SLC66A2: variants seen among roughly 807,000 people sequenced by gnomAD.
SLC66A2 encodes the protein solute carrier family 66 member 2, also known as PQ loop repeat containing 1.
A neutral mutation model predicts 25.5 loss-of-function variants in SLC66A2; 23 were observed. The ratio of observed to expected loss-of-function variants is 0.90; its 90% CI spans 0.65 to 1.28. SLC66A2 has a LOEUF of 1.28. SLC66A2 is among the 50% of genes most tolerant of loss of function. SLC66A2 has a pLI of 0.00. For synonymous variants in SLC66A2, 193 were observed against 166.5 expected (o/e 1.16, Z -1.23); for missense variants, 396 against 373.1 (o/e 1.06, Z -0.51).
rs767439174 is a variant in SLC66A2 at position 79,950,765 on chromosome 18, G to A, written c.162C>T (p.Cys54=). Residue 54 remains cysteine (C), a synonymous_variant, in exon 2 of 6, where the codon TGC becomes TGT. Coordinates refer to ENST00000397778, the MANE Select transcript of SLC66A2 (RefSeq NM_025078.5). ...AAATGTTGGCCACCAGCAGCACCAG[G>A]CACACGTAGGTGGAGAAGCCGTCGG... ...QNADGFSTYV[C]LVLLVANILR... The A allele has an allele frequency of 2.5e-6, 4 of 1,613,162 alleles. No individual in the cohort carries two copies. In the African/African-American group the frequency reaches 5.3e-5, roughly 22 times the overall value.
chr18:79,903,843 TGATG>T lies in SLC66A2; in HGVS notation c.*129_*132del, dbSNP rs1416320754. 1 of 720,964 alleles carries T rather than the reference TGATG, an allele frequency of 1.4e-6. No homozygotes were observed. The highest frequency in any genetic ancestry group is 2.2e-6 in the Non-Finnish European group (1 of 448,126). The allele number at this position is 720,964 out of a possible 1,614,324, so 44.7% of individuals were successfully genotyped here. On this transcript the variant is annotated 3_prime_UTR_variant, in exon 6 of 6. Coordinates refer to ENST00000397778, the MANE Select transcript of SLC66A2 (RefSeq NM_025078.5). The stretch of plus-strand genomic sequence containing the variant: ...CCACCCTGAGACACCCCACAGAGGC[TGATG>T]GAGACCCCAATGCCCATGCCCCATC...
chr18:79,935,879 CT>C (rs1362431386), intron 3 of SLC66A2, among the ~76,000 whole-genome samples: 2 of 152,216 alleles, frequency 1.3e-5, no homozygotes, highest in Non-Finnish European at 2.9e-5. Flanking sequence ...CCAGATGCTC[CT>C]GAGGACAGCA....
In SLC66A2 at chr18:79,940,418, T is replaced by C. The variant is rs1006323077; in HGVS notation, c.337+2911A>G. On this transcript the variant is annotated intron_variant, in intron 3 of 5. Coordinates refer to ENST00000397778, the MANE Select transcript of SLC66A2 (RefSeq NM_025078.5). The surrounding 1 kb of genome is among the most constrained non-coding windows in gnomAD (Gnocchi z 4.1). ...AGGAGTTCAGGAGTTAGAGAAATAA[T>C]CTGTACACTAAACCCCCGTGACAAA... Among the ~76,000 whole-genome samples the C allele has an allele frequency of 6.6e-6, 1 of 151,732 alleles. No individual in the cohort carries two copies. The highest frequency in any genetic ancestry group is 2.4e-5 in the African/African-American group (1 of 41,246).
chr18:79,951,526 C>A (rs1422091515), intron 1 of SLC66A2, 55 bp downstream of exon 1: 1 of 152,458 alleles, frequency 6.6e-6, no homozygotes, highest in South Asian at 1.8e-4. Flanking sequence ...GCCCTGCGTC[C>A]TCGGCCGCCC....
Position 79,950,707 on chromosome 18 carries a change from G to A in SLC66A2, c.203+17C>T, listed in dbSNP as rs2051088651. 2 of 1,612,312 alleles carry A rather than the reference G, an allele frequency of 1.2e-6. No homozygotes were observed. The highest frequency in any genetic ancestry group is 1.1e-5 in the South Asian group (1 of 91,056). On this transcript the variant is annotated intron_variant, in intron 2 of 5. Transcript: ENST00000397778. Reference sequence around the variant, plus strand: ...TCTTCTCCGGGTGCAGCCCAGGAAAGCAAGCCCCCAACTTACCAGAAGAGT... The same window carrying A: ...TCTTCTCCGGGTGCAGCCCAGGAAAACAAGCCCCCAACTTACCAGAAGAGT...
At position 79,904,150 on chromosome 18, in the gene SLC66A2, G is replaced by C; in HGVS notation, c.642C>G (p.Asp214Glu). The C allele has an allele frequency of 6.2e-7, 1 of 1,612,932 alleles. No homozygotes were observed. Among genetic ancestry groups the C allele is most frequent in the Non-Finnish European group, 8.5e-7 (1 of 1,179,788 alleles). ...GCAGGAAGTAGGCCGTCTTGAAGGC[G>C]TCACCACTGGTCCACATGAGCACCA... ...IKMVLMWTSG[D>E]AFKTAYFLLK... The change falls in exon 6 of 6, where the codon GAC (aspartate) becomes GAG (glutamate). Residue 214 changes from aspartate to glutamate, a missense_variant. By Grantham distance (45) the Asp-to-Glu change is conservative. Transcript: ENST00000397778. The surrounding 1 kb of genome is among the most constrained non-coding windows in gnomAD (Gnocchi z 6.3).
At chr18:79,928,043 G>A (rs1415483864) in intron 4 of SLC66A2, among the ~76,000 whole-genome samples, 1 of 152,202 alleles carries the variant, frequency 6.6e-6, no homozygotes, top group Non-Finnish European at 1.5e-5. Flanking sequence ...GCTCAGTGGG[G>A]CACCCAACGG....
chr18:79,939,517 T>C (rs764004697), intron 3 of SLC66A2, among the ~76,000 whole-genome samples: 3 of 152,240 alleles, frequency 2.0e-5, no homozygotes, highest in South Asian at 2.1e-4. Flanking sequence ...CCAGCAACTA[T>C]AAGGAACTTA....
Position 79,919,367 on chromosome 18 carries a change from C to T in SLC66A2, c.425G>A (p.Ser142Asn), listed in dbSNP as rs1471227404. 5 of 1,613,108 alleles carry T rather than the reference C, an allele frequency of 3.1e-6. No individual in the cohort carries two copies. Among genetic ancestry groups the T allele is most frequent in the Non-Finnish European group, 4.2e-6 (5 of 1,180,034 alleles). ...FDPHHFWQWS[S>N]FSDYVQCVLA... Reference sequence around the variant, plus strand: ...GACGCACTGCACGTAGTCCGAGAAGCTGCTCCACTGCCAGAAGTGGTGGGG... The same window carrying T: ...GACGCACTGCACGTAGTCCGAGAAGTTGCTCCACTGCCAGAAGTGGTGGGG... Residue 142 changes from serine (S) to asparagine (N), a missense_variant, in exon 5 of 6, where the codon AGC becomes AAC. By Grantham distance (46) the Ser-to-Asn change is conservative (BLOSUM62 1). Coordinates refer to ENST00000397778, the MANE Select transcript of SLC66A2 (RefSeq NM_025078.5).
intron 4 of SLC66A2, among the ~76,000 whole-genome samples, chr18:79,925,608 C>G (rs1985856696): frequency 6.6e-6 from 1 of 152,224 alleles, no homozygotes; most frequent in Admixed American, 6.5e-5. Context: ...TCTTCCAGCA[C>G]CCCCCATGGG....
chr18:79,938,355 T>C (rs1392483014), intron 3 of SLC66A2, among the ~76,000 whole-genome samples: 3 of 152,110 alleles, frequency 2.0e-5, no homozygotes, highest in African/African-American at 7.2e-5. Context: ...CAGTCAGCCA[T>C]GGCCTGGCCG....
intron 4 of SLC66A2, among the ~76,000 whole-genome samples, chr18:79,926,798 T>C (rs1986008981): frequency 6.6e-6 from 1 of 152,118 alleles, no homozygotes; most frequent in Non-Finnish European, 1.5e-5. Flanking sequence ...TGCAGCTGCT[T>C]ACCTGAATGA....
At chr18:79,905,477 G>C (rs917840755) in intron 5 of SLC66A2, among the ~76,000 whole-genome samples, 1 of 152,250 alleles carries the variant, frequency 6.6e-6, no homozygotes, top group Non-Finnish European at 1.5e-5. Flanking sequence ...GCCTGCTTTA[G>C]GCCCAGGCAG....
At chr18:79,910,538 T>C (rs1982957457) in intron 5 of SLC66A2, among the ~76,000 whole-genome samples, 1 of 152,216 alleles carries the variant, frequency 6.6e-6, no homozygotes, top group Non-Finnish European at 1.5e-5. Flanking sequence ...TTCACTCTCT[T>C]CTAAATTTGA....
intron 4 of SLC66A2, among the ~76,000 whole-genome samples, chr18:79,923,406 AG>A (rs1985534775): frequency 1.3e-5 from 2 of 152,022 alleles, no homozygotes; most frequent in African/African-American, 4.8e-5. Context: ...CTGCGGACAC[AG>A]GACGCCAGGT....
At chr18:79,909,493 C>A (rs1159923687) in intron 5 of SLC66A2, among the ~76,000 whole-genome samples, 29 of 148,018 alleles carry the variant, frequency 2.0e-4, no homozygotes, top group South Asian at 6.6e-4. Context: ...TCCCCACAAC[C>A]TCACCAGAGT....
intron 4 of SLC66A2, among the ~76,000 whole-genome samples, chr18:79,928,923 ACT>A (rs1986280774): frequency 1.3e-5 from 2 of 151,992 alleles, no homozygotes; most frequent in Admixed American, 1.3e-4. Context: ...AGAGGCAACA[ACT>A]CACTTCCCAT....
At position 79,938,102 on chromosome 18, in the gene SLC66A2, C is replaced by A. The variant is rs555149146; in HGVS notation, c.338-4080G>T. Among the ~76,000 whole-genome samples the A allele has an allele frequency of 3.6e-3, 545 of 149,730 alleles. 6 individuals carry two copies. The highest frequency in any genetic ancestry group is 0.013 in the African/African-American group (527 of 40,668). Reference sequence around the variant, plus strand: ...TCAAGGTGATAATGAGCTTTGATAACACCACTGCACTCCAGCCTGGGCAAC... The same window carrying A: ...TCAAGGTGATAATGAGCTTTGATAAAACCACTGCACTCCAGCCTGGGCAAC... On this transcript the variant is annotated intron_variant, in intron 3 of 5. Coordinates refer to ENST00000397778, the MANE Select transcript of SLC66A2 (RefSeq NM_025078.5).
At chr18:79,923,739 A>T (rs1366692873) in intron 4 of SLC66A2, among the ~76,000 whole-genome samples, 6 of 152,156 alleles carry the variant, frequency 3.9e-5, no homozygotes, top group Non-Finnish European at 8.8e-5. Context: ...TAAAAGATAA[A>T]CCGGACTTCA....
Sources: allele counts gnomAD v4.1 joint callset (sites outside exome capture counted in the v4.1 genomes callset), GRCh38; gene constraint gnomAD v4.1.1; non-coding constraint Gnocchi (gnomAD v3.1); transcripts MANE v1.5; gene names NCBI Gene and HGNC (gene_info 2026-07-23, HGNC 2026-07-21).